ZNF536: variants seen among roughly 807,000 people sequenced by gnomAD.
ZNF536 encodes the protein zinc finger protein 536.
A neutral mutation model predicts 84.5 loss-of-function variants in ZNF536; 13 were observed. That is an observed-to-expected ratio of 0.15 (90% CI 0.10 to 0.24). The LOEUF (loss-of-function observed/expected upper bound fraction) is 0.24, where lower values mean the gene tolerates loss of function less well. ZNF536 is among the 10% of genes least tolerant of loss of function. The pLI is 1.00. For missense variants in ZNF536, 1,536 were observed against 1,747.5 expected (o/e 0.88, Z 2.16); for synonymous variants, 811 against 742.5 (o/e 1.09, Z -1.50).
At chr19:30,313,674 C>T (rs2046580534) in intron 2 of ZNF536, among the ~76,000 whole-genome samples, 2 of 152,214 alleles carry the variant, frequency 1.3e-5, no homozygotes, top group Admixed American at 6.5e-5. Flanking sequence ...CTGCTGTCCC[C>T]ACACTGCCCA....
intron 3 of ZNF536, 127 bp downstream of exon 3, chr19:30,535,126 C>A (rs571037850): frequency 9.0e-7 from 1 of 1,112,366 alleles, no homozygotes; most frequent in East Asian, 2.6e-5. Flanking sequence ...CTGGGCCTGT[C>A]TAGCCACCAT....
chr19:30,228,943 G>T lies in ZNF536; in HGVS notation c.-190+270G>T, dbSNP rs1378057067. 2.0e-5 allele frequency among the ~76,000 whole-genome samples: 3 copies of T among 151,886 alleles called. No individual in the cohort carries two copies. Among genetic ancestry groups the T allele is most frequent in the Non-Finnish European group, 2.9e-5 (2 of 67,924 alleles). On this transcript the variant is annotated intron_variant, in intron 1 of 5. Transcript: ENST00000585628. This position sits in a 1 kb window ranked among gnomAD's most constrained non-coding sequence, Gnocchi z 4.5. Reference sequence around the variant, plus strand: ...TGGCGAGACTCGGGAGGCGATCTTGGGGGGCGCGCGGTCGCAGTTGGGCAT... The same window carrying T: ...TGGCGAGACTCGGGAGGCGATCTTGTGGGGCGCGCGGTCGCAGTTGGGCAT...
intron 1 of ZNF536, among the ~76,000 whole-genome samples, chr19:30,653,349 G>T (rs1484323345): frequency 6.6e-6 from 1 of 152,116 alleles, no homozygotes; most frequent in Non-Finnish European, 1.5e-5. Flanking sequence ...CTTTCGGGGA[G>T]ACAAGCAGAC....
chr19:30,298,867 T>G (rs1005166341), intron 2 of ZNF536, among the ~76,000 whole-genome samples: 1 of 152,234 alleles, frequency 6.6e-6, no homozygotes, highest in Non-Finnish European at 1.5e-5. Context: ...AGACTTTGGG[T>G]CAAACATTTT....
At chr19:30,693,522 A>G (rs964523370) in intron 1 of ZNF536, among the ~76,000 whole-genome samples, 2 of 151,974 alleles carry the variant, frequency 1.3e-5, no homozygotes, top group African/African-American at 4.8e-5. Context: ...TTGATTTTAG[A>G]GAGAGCCTTT....
rs975835294 is a variant in ZNF536, at chr19:30,548,009, A to G, written c.2390A>G (p.His797Arg). ...ACGCAGTCAGCATCCTTAAAATACCACTTAGAGCGACACCATCGGGAGCGG... is the reference window on the plus strand; with the variant it reads ...ACGCAGTCAGCATCCTTAAAATACCGCTTAGAGCGACACCATCGGGAGCGG... ...AGTQSASLKY[H>R]LERHHRERQN... Residue 797 changes from histidine (H) to arginine (R), a missense_variant, in exon 4 of 5, where the codon CAC (histidine) becomes CGC (arginine). His to Arg is a conservative substitution (Grantham distance 29). This residue lies in a region of ZNF536 where 148 missense variants were observed against 205.4 expected (regional missense o/e 0.72). Transcript: ENST00000355537. The G allele has an allele frequency of 6.2e-7, 1 of 1,611,984 alleles. No individual in the cohort carries two copies. The highest frequency in any genetic ancestry group is 8.5e-7 in the Non-Finnish European group (1 of 1,179,088).
At chr19:30,246,299 C>G (rs2024271119) in intron 1 of ZNF536, among the ~76,000 whole-genome samples, 1 of 152,094 alleles carries the variant, frequency 6.6e-6, no homozygotes, top group South Asian at 2.1e-4. Flanking sequence ...GTATTTCTCC[C>G]CACAAGTCAA....
chr19:30,638,455 C>A (rs2049150436), intron 1 of ZNF536, among the ~76,000 whole-genome samples: 1 of 152,156 alleles, frequency 6.6e-6, no homozygotes, highest in Non-Finnish European at 1.5e-5. Flanking sequence ...TGGGAGCCAG[C>A]ACTTCACATG....
intron 2 of ZNF536, among the ~76,000 whole-genome samples, chr19:30,510,458 C>T (rs932101252): frequency 1.3e-5 from 2 of 152,216 alleles, no homozygotes; most frequent in African/African-American, 4.8e-5. Context: ...GGAGTTTGCA[C>T]AGCCCCTCTT....
At chr19:30,362,166 G>T (rs1474032325) in intron 3 of ZNF536, among the ~76,000 whole-genome samples, 2 of 152,136 alleles carry the variant, frequency 1.3e-5, no homozygotes, top group African/African-American at 2.4e-5. Context: ...AGCCTCCCTG[G>T]AACCAAAGCT....
At chr19:30,231,389 C>T (rs1048828744) in intron 1 of ZNF536, among the ~76,000 whole-genome samples, 1 of 152,224 alleles carries the variant, frequency 6.6e-6, no homozygotes, top group Non-Finnish European at 1.5e-5. Flanking sequence ...GGCACAAACT[C>T]GCTTGCATTG....
At chr19:30,667,055 C>A (rs1383538641) in intron 1 of ZNF536, among the ~76,000 whole-genome samples, 2 of 152,036 alleles carry the variant, frequency 1.3e-5, no homozygotes, top group African/African-American at 4.8e-5. Flanking sequence ...AAGCTCTTGC[C>A]CTACCCAATT....
intron 1 of ZNF536, among the ~76,000 whole-genome samples, chr19:30,261,895 G>C (rs2025246174): frequency 6.6e-6 from 1 of 152,038 alleles, no homozygotes; most frequent in Non-Finnish European, 1.5e-5. Context: ...CCTGGGGAGG[G>C]CTCCTGCACC....
intron 1 of ZNF536, among the ~76,000 whole-genome samples, chr19:30,628,812 C>A (rs2048785607): frequency 6.6e-6 from 1 of 152,032 alleles, no homozygotes; most frequent in African/African-American, 2.4e-5. Flanking sequence ...TCAAGCAATT[C>A]TCCTGCCTCA....
At chr19:30,655,070 G>A (rs1440834385) in intron 1 of ZNF536, among the ~76,000 whole-genome samples, 1 of 152,210 alleles carries the variant, frequency 6.6e-6, no homozygotes, top group Non-Finnish European at 1.5e-5. Context: ...AGGGACTTTA[G>A]TACTGGGTAC....
chr19:30,548,990 C>T lies in ZNF536; in HGVS notation c.3371C>T (p.Ser1124Leu), dbSNP rs745900643. 4 of 1,614,042 alleles carry T rather than the reference C, an allele frequency of 2.5e-6. No individual in the cohort carries two copies. The African/African-American group carries it at 4.0e-5, about 16-fold the overall frequency. ...QFGVYPGMVGSGASSSCPNKE... is the reference protein window; with the variant it reads ...QFGVYPGMVGLGASSSCPNKE... ...GGTGTTTACCCAGGCATGGTTGGCT[C>T]AGGGGCCTCCAGTTCCTGCCCCAAC... is the stretch of plus-strand genomic sequence containing the variant. The change falls in exon 4 of 5, where the codon TCA becomes TTA. Residue 1124 changes from serine (S) to leucine (L), a missense_variant. Physicochemically the swap from Ser to Leu is moderately radical, Grantham distance 145. Transcript: ENST00000355537.
intron 1 of ZNF536, among the ~76,000 whole-genome samples, chr19:30,580,453 G>A (rs550410954): frequency 6.6e-5 from 10 of 152,306 alleles, no homozygotes; most frequent in African/African-American, 2.4e-4. Context: ...TCAGGTGCCC[G>A]AGAAGCCAAG....
chr19:30,646,698 T>G (rs932062399), intron 1 of ZNF536, among the ~76,000 whole-genome samples: 1 of 152,170 alleles, frequency 6.6e-6, no homozygotes, highest in African/African-American at 2.4e-5. Flanking sequence ...CGCAGTCTCG[T>G]AGTATTTGAG....
intron 1 of ZNF536, among the ~76,000 whole-genome samples, chr19:30,686,007 G>T (rs1190020184): frequency 1.3e-5 from 2 of 152,220 alleles, no homozygotes; most frequent in Non-Finnish European, 2.9e-5. Context: ...CTGAAGATGG[G>T]GCAGGGGCCA....
Sources: allele counts gnomAD v4.1 joint callset (sites outside exome capture counted in the v4.1 genomes callset), GRCh38; gene constraint gnomAD v4.1.1; regional missense constraint gnomAD v4.1.1; non-coding constraint Gnocchi (gnomAD v3.1); transcripts MANE v1.5; gene names NCBI Gene and HGNC (gene_info 2026-07-23, HGNC 2026-07-21).